The following CDH12 variants were observed in gnomAD, a reference collection of about 807,000 sequenced individuals.
The protein encoded by CDH12 is cadherin 12, also known as cadherin-12.
In CDH12, 41 loss-of-function variants were observed where a neutral mutation model predicts 74.1. The observed-to-expected ratio is 0.55, with a 90% confidence interval of 0.43 to 0.72. The LOEUF (loss-of-function observed/expected upper bound fraction) is 0.72, where lower values mean the gene tolerates loss of function less well. Ranked by LOEUF, CDH12 falls within the 30% of genes least tolerant of loss-of-function variation. The probability of loss-of-function intolerance (pLI) is 0.00; values close to 1 mark genes in which losing one functional copy is unlikely to be tolerated. For synonymous variants in CDH12, 399 were observed against 355.0 expected, an observed-to-expected ratio of 1.12 and a Z score of -1.39; for missense variants, 945 against 977.2, an observed-to-expected ratio of 0.97 and a Z score of 0.44.
At chr5:22,672,061 T>C (rs1740927088) in intron 1 of CDH12, among the ~76,000 whole-genome samples, 1 of 140,770 alleles carries the variant, frequency 7.1e-6, no homozygotes, top group Non-Finnish European at 1.5e-5. Context: ...AATATATATA[T>C]TTATTCTTTA....
intron 5 of CDH12, among the ~76,000 whole-genome samples, chr5:22,034,373 T>C (rs1295389227): frequency 1.3e-5 from 2 of 152,192 alleles, no homozygotes; most frequent in Non-Finnish European, 2.9e-5. Flanking sequence ...GATTAGAACA[T>C]TATTTCATAG....
At chr5:22,019,031 G>A (rs1365669071) in intron 5 of CDH12, among the ~76,000 whole-genome samples, 1 of 150,490 alleles carries the variant, frequency 6.6e-6, no homozygotes, top group Non-Finnish European at 1.5e-5. Context: ...CTGCACTCCA[G>A]GCTGGGCAAC....
chr5:21,968,134 G>T (rs1484249432), intron 6 of CDH12, among the ~76,000 whole-genome samples: 1 of 152,174 alleles, frequency 6.6e-6, no homozygotes, highest in Non-Finnish European at 1.5e-5. Flanking sequence ...TTGAGAAAAG[G>T]GAAGAAGATA....
intron 4 of CDH12, among the ~76,000 whole-genome samples, chr5:22,113,378 C>T (rs866062253): frequency 6.6e-6 from 1 of 152,196 alleles, no homozygotes; most frequent in Non-Finnish European, 1.5e-5. Flanking sequence ...CACCTATTGT[C>T]TCTAAGGGCA....
At chr5:22,009,343 T>G (rs151111149) in intron 5 of CDH12, among the ~76,000 whole-genome samples, 5 of 152,276 alleles carry the variant, frequency 3.3e-5, no homozygotes, top group Non-Finnish European at 5.9e-5. Context: ...AGCTGCCCTA[T>G]TATATGAGGG....
At chr5:21,952,188 CAA>C (rs1755894077) in intron 6 of CDH12, among the ~76,000 whole-genome samples, 2 of 152,076 alleles carry the variant, frequency 1.3e-5, no homozygotes, top group Non-Finnish European at 2.9e-5. Flanking sequence ...TCTTATTGTT[CAA>C]AGAGTGACTC....
At chr5:22,513,341 G>A (rs1736685622) in intron 1 of CDH12, among the ~76,000 whole-genome samples, 1 of 150,986 alleles carries the variant, frequency 6.6e-6, no homozygotes, top group South Asian at 2.1e-4. Flanking sequence ...CAACAACATA[G>A]AAAGCCAGGT....
intron 1 of CDH12, among the ~76,000 whole-genome samples, chr5:22,796,606 G>A (rs1421361749): frequency 2.2e-5 from 2 of 89,332 alleles, no homozygotes; most frequent in Non-Finnish European, 4.0e-5. Context: ...TGCAAGCTCC[G>A]CCTCCCGGGT....
chr5:21,964,524 T>C (rs762889724), intron 6 of CDH12, among the ~76,000 whole-genome samples: 1 of 151,960 alleles, frequency 6.6e-6, no homozygotes, highest in East Asian at 1.9e-4. Context: ...TTTGGAAGTC[T>C]TTCTTCTCCT....
At chr5:22,267,628 G>GA (rs1249715410) in intron 3 of CDH12, among the ~76,000 whole-genome samples, 3 of 152,210 alleles carry the variant, frequency 2.0e-5, no homozygotes, top group South Asian at 2.1e-4. Flanking sequence ...TCATGCTCCA[G>GA]AAAAAAATTC....
At chr5:22,258,356 C>G (rs951834529) in intron 3 of CDH12, among the ~76,000 whole-genome samples, 1 of 152,034 alleles carries the variant, frequency 6.6e-6, no homozygotes, top group Non-Finnish European at 1.5e-5. Context: ...ATGGCTTCAA[C>G]GATGCTCTGT....
At chr5:22,136,242 A>G (rs535312043) in intron 4 of CDH12, among the ~76,000 whole-genome samples, 12 of 152,102 alleles carry the variant, frequency 7.9e-5, no homozygotes, top group Admixed American at 6.6e-4. Flanking sequence ...GTCAACAAAC[A>G]TTTTGGAAGG....
intron 1 of CDH12, among the ~76,000 whole-genome samples, chr5:22,760,556 G>T (rs559861899): frequency 6.6e-6 from 1 of 151,554 alleles, no homozygotes; most frequent in Admixed American, 6.6e-5. Flanking sequence ...GTGGCTGCCT[G>T]TAATCCCAGC....
chr5:22,644,890 C>G (rs1739355924), intron 1 of CDH12, among the ~76,000 whole-genome samples: 1 of 151,976 alleles, frequency 6.6e-6, no homozygotes, highest in Non-Finnish European at 1.5e-5. Flanking sequence ...CTACTCTGTG[C>G]TCTATAAATG....
At chr5:22,147,504 A>G (rs995981452) in intron 4 of CDH12, among the ~76,000 whole-genome samples, 1 of 152,170 alleles carries the variant, frequency 6.6e-6, no homozygotes. Flanking sequence ...GTAATTAATT[A>G]ATCCCTAATC....
At chr5:22,315,022 A>G (rs1291860571) in intron 3 of CDH12, among the ~76,000 whole-genome samples, 1 of 107,286 alleles carries the variant, frequency 9.3e-6, no homozygotes, top group Admixed American at 1.1e-4. Context: ...GGCGCGATCT[A>G]GGCTCACTGC....
chr5:22,520,846 G>T (rs948513268), intron 1 of CDH12, among the ~76,000 whole-genome samples: 42 of 152,188 alleles, frequency 2.8e-4, no homozygotes, highest in Middle Eastern at 3.4e-3. Flanking sequence ...TATGTCAAAA[G>T]GATCATACTT....
intron 12 of CDH12, among the ~76,000 whole-genome samples, chr5:21,764,149 C>A (rs192974541): frequency 3.3e-5 from 5 of 151,894 alleles, no homozygotes; most frequent in Admixed American, 3.3e-4. Flanking sequence ...CCGAGGCAGG[C>A]GGATCACGAG....
chr5:21,875,438 G>T, intron 6 of CDH12, among the ~76,000 whole-genome samples: 1 of 152,176 alleles, frequency 6.6e-6, no homozygotes, highest in Non-Finnish European at 1.5e-5. Flanking sequence ...ACTTTGTAAT[G>T]AATGGGTAGA....
Sources: gnomAD v4.1 joint callset for allele counts (sites outside exome capture counted in the v4.1 genomes callset) on GRCh38, gnomAD v4.1.1 for gene constraint, MANE v1.5 for transcripts, NCBI Gene and HGNC (gene_info 2026-07-23, HGNC 2026-07-21) for gene names.